Variants in SMC3 observed in about 807,000 individuals in gnomAD.
The protein encoded by SMC3 is structural maintenance of chromosomes protein 3.
A neutral mutation model predicts 171.8 loss-of-function variants in SMC3; 20 were observed. The observed-to-expected ratio is 0.12, with a 90% confidence interval of 0.08 to 0.17. The LOEUF (loss-of-function observed/expected upper bound fraction) is 0.17. Among genes scored for constraint, SMC3 ranks in the 10% least tolerant of loss-of-function variants. The pLI, the probability that SMC3 is intolerant of heterozygous loss-of-function variation, is 1.00. For synonymous variants in SMC3, 464 were observed against 451.1 expected, an observed-to-expected ratio of 1.03 and a Z score of -0.36; for missense variants, 543 against 1,420.4, an observed-to-expected ratio of 0.38 and a Z score of 9.93.
At chr10:110,587,703 A>G (rs1343377560) in intron 13 of SMC3, among the ~76,000 whole-genome samples, 3 of 151,928 alleles carry the variant, frequency 2.0e-5, no homozygotes, top group South Asian at 2.1e-4. Flanking sequence ...AAAAAAAAAA[A>G]AAAGAAATAT....
rs1238424941 is a variant in SMC3, at chr10:110,567,740, A to G, written c.-77A>G. On this transcript the variant is annotated 5_prime_UTR_variant, in exon 1 of 29. Coordinates refer to ENST00000361804, the MANE Select transcript of SMC3 (RefSeq NM_005445.4). ...CGGCGCTTTGGGGGAGGGGTCGCGT[A>G]GGCGCCTCACCTGACCCTGCGGCCG... 4.7e-5 allele frequency: 73 copies of G among 1,553,192 alleles called. No individual in the cohort carries two copies. Among genetic ancestry groups the G allele is most frequent in the East Asian group, 6.7e-5 (3 of 44,580 alleles).
chr10:110,581,216 CTTTTTTTTTT>C (rs59798192), intron 8 of SMC3, among the ~76,000 whole-genome samples, 195 bp downstream of exon 8: 9 of 103,182 alleles, frequency 8.7e-5, no homozygotes, highest in Non-Finnish European at 1.6e-4. Context: ...CGCACACTGA[CTTTTTTTTTT>C]TTTTTTTTTG....
intron 2 of SMC3, among the ~76,000 whole-genome samples, chr10:110,570,127 T>C (rs1590547184): frequency 6.6e-6 from 1 of 152,338 alleles, no homozygotes; most frequent in East Asian, 1.9e-4. Context: ...TCCTGGCTTA[T>C]GGACAGCTGC....
chr10:110,578,131 T>TG (rs2134719837), intron 6 of SMC3, among the ~76,000 whole-genome samples: 1 of 152,130 alleles, frequency 6.6e-6, no homozygotes, highest in Non-Finnish European at 1.5e-5. Context: ...TGGAGTGCAG[T>TG]GGCGCAGTCT....
chr10:110,573,649 C>CG (rs1860906346), intron 2 of SMC3, 58 bp from the exon 3 acceptor site: 5 of 1,157,732 alleles, frequency 4.3e-6, no homozygotes, highest in Non-Finnish European at 6.5e-6. Flanking sequence ...AAAAGGTAAA[C>CG]AGTTTTAATT....
In SMC3 at chr10:110,602,462, T is replaced by G. The variant is rs772720116; in HGVS notation, c.3106-12T>G. The G allele has an allele frequency of 1.9e-6, 3 of 1,606,980 alleles. No individual in the cohort carries two copies. Among genetic ancestry groups the G allele is most frequent in the Non-Finnish European group, 2.6e-6 (3 of 1,174,948 alleles). ...AAGCAAAATTTATATTTCAATCTGC[T>G]TTTGTTTTAAGGTATCTAAGAACTT... is the stretch of plus-strand genomic sequence containing the variant. On this transcript the variant is annotated splice_polypyrimidine_tract_variant and intron_variant, in intron 25 of 28. Transcript: ENST00000361804.
chr10:110,591,674 T>G (rs1861206852), intron 17 of SMC3, among the ~76,000 whole-genome samples: 1 of 152,212 alleles, frequency 6.6e-6, no homozygotes, highest in Admixed American at 6.5e-5. Context: ...TCAGACACCA[T>G]TCTTAGAACA....
In SMC3 at chr10:110,577,502, T is replaced by G. The variant is rs1860969783; in HGVS notation, c.270+10T>G. 1 of 1,526,292 alleles carries G rather than the reference T, an allele frequency of 6.6e-7. No homozygotes were observed. Among genetic ancestry groups the G allele is most frequent in the Non-Finnish European group, 9.1e-7 (1 of 1,103,508 alleles). 94.5% of individuals were successfully genotyped at this position (1,526,292 alleles called of 1,614,324 possible). ...AGACAACCGGTTACCAGTAAGTAAC[T>G]TTTTTTTTAAAGTAATGTTGAGAAT... On this transcript the variant is annotated intron_variant, in intron 5 of 28. Coordinates refer to ENST00000361804, the MANE Select transcript of SMC3 (RefSeq NM_005445.4).
At chr10:110,583,226 A>G (rs1262702444) in intron 10 of SMC3, among the ~76,000 whole-genome samples, 158 bp from the exon 11 acceptor site, 2 of 152,096 alleles carry the variant, frequency 1.3e-5, no homozygotes, top group African/African-American at 4.8e-5. Flanking sequence ...ACCCTTTTGT[A>G]CCAGAATTAT....
chr10:110,587,102 A>C (rs1263821259), intron 13 of SMC3, among the ~76,000 whole-genome samples: 2 of 152,206 alleles, frequency 1.3e-5, no homozygotes, highest in Admixed American at 6.5e-5. Context: ...TATCCTACAT[A>C]CTTATCAAAC....
At chr10:110,577,198 G>A (rs1860964234) in intron 4 of SMC3, among the ~76,000 whole-genome samples, 1 of 151,978 alleles carries the variant, frequency 6.6e-6, no homozygotes, top group African/African-American at 2.4e-5. Context: ...TGCTGTTTTG[G>A]CAAGAGGGAT....
intron 7 of SMC3, among the ~76,000 whole-genome samples, chr10:110,579,532 G>A (rs1459293835): frequency 6.6e-6 from 1 of 151,958 alleles, no homozygotes; most frequent in African/African-American, 2.4e-5. Flanking sequence ...AAGCATTGCC[G>A]TCCCCTCAAC....
At chr10:110,599,581 G>T in intron 20 of SMC3, 73 bp from the exon 21 acceptor site, 1 of 1,369,578 alleles carries the variant, frequency 7.3e-7, no homozygotes. Context: ...ATCAAATATA[G>T]ATTGTTTTAA....
intron 16 of SMC3, 93 bp from the exon 17 acceptor site, chr10:110,590,898 G>A: frequency 8.8e-7 from 1 of 1,137,842 alleles, no homozygotes; most frequent in Admixed American, 1.7e-5. Flanking sequence ...TCCCAGCTAT[G>A]CAGGAGGCTG....
intron 13 of SMC3, among the ~76,000 whole-genome samples, chr10:110,586,771 C>G (rs187792408): frequency 1.3e-5 from 2 of 152,152 alleles, no homozygotes; most frequent in Non-Finnish European, 2.9e-5. Context: ...GATTCTCCTA[C>G]CTCAGCCTCC....
Position 110,598,231 on chromosome 10 carries a change from T to A in SMC3, c.2209T>A (p.Ser737Thr). The change falls in exon 20 of 29, where the codon TCA becomes ACA. Residue 737 changes from serine to threonine, a missense_variant. Ser to Thr is a moderately conservative substitution (Grantham distance 58, BLOSUM62 1). This residue lies in a region of SMC3 where 218 missense variants were observed against 509.6 expected (regional missense o/e 0.43). Transcript: ENST00000361804. The stretch of plus-strand genomic sequence containing the variant: ...TAAAGCATCTAGAGATAGCATATTA[T>A]CAGAAATGAAGATGCTAAAAGAGAA... ...KFKASRDSIL[S>T]EMKMLKEKRQ... is the part of the protein sequence containing the mutation. 6.2e-7 allele frequency: 1 copy of A among 1,613,810 alleles called. No individual in the cohort carries two copies. Among genetic ancestry groups the A allele is most frequent in the Non-Finnish European group, 8.5e-7 (1 of 1,179,836 alleles).
At position 110,598,295 on chromosome 10, in the gene SMC3, G is replaced by C; in HGVS notation, c.2268+5G>C. On this transcript the variant is annotated splice_donor_5th_base_variant and intron_variant, in intron 20 of 28. Coordinates refer to ENST00000361804, the MANE Select transcript of SMC3 (RefSeq NM_005445.4). ...GAGAAAACCTTCATGCCTAAGGTTC[G>C]TAAGTATATCTTTGGTTATAGATCG... The C allele has an allele frequency of 6.2e-7, 1 of 1,612,740 alleles. No homozygotes were observed. The highest frequency in any genetic ancestry group is 1.7e-5 in the Admixed American group (1 of 60,008).
chr10:110,577,270 C>T (rs549164251), intron 4 of SMC3, 151 bp from the exon 5 acceptor site: 22 of 664,966 alleles, frequency 3.3e-5, no homozygotes, highest in South Asian at 8.6e-5. Flanking sequence ...AGAGCAGAGA[C>T]GTTAGATTAG....
At chr10:110,590,360 G>C in intron 15 of SMC3, 52 bp from the exon 16 acceptor site, 2 of 1,450,052 alleles carry the variant, frequency 1.4e-6, no homozygotes, top group South Asian at 1.2e-5. Flanking sequence ...TCCTTACCAG[G>C]AGTGCCATTG....
Sources: gnomAD v4.1 joint callset for allele counts (sites outside exome capture counted in the v4.1 genomes callset) on GRCh38, gnomAD v4.1.1 for gene constraint, gnomAD v4.1.1 regional missense constraint, MANE v1.5 for transcripts, NCBI Gene and HGNC (gene_info 2026-07-23, HGNC 2026-07-21) for gene names.